The following TBC1D4 variants were observed in gnomAD, a reference collection of about 807,000 sequenced individuals.
The protein encoded by TBC1D4 is TBC1 domain family member 4, also known as TBC (Tre-2, BUB2, CDC16) domain-containing protein.
TBC1D4 carries 121 observed loss-of-function variants against 142.5 expected under a neutral mutation model. The observed-to-expected ratio is 0.85, with a 90% CI of 0.73 to 0.99. The LOEUF (loss-of-function observed/expected upper bound fraction) is 0.99, where lower values mean the gene tolerates loss of function less well. TBC1D4 is among the 50% of genes least tolerant of loss of function. The pLI, the probability that TBC1D4 is intolerant of heterozygous loss-of-function variation, is 0.00. For missense variants in TBC1D4, 1,475 were observed against 1,606.6 expected (o/e 0.92, Z 1.40); for synonymous variants, 630 against 628.2 (o/e 1.00, Z -0.04).
At chr13:75,438,720 G>A (rs1244737878) in intron 1 of TBC1D4, among the ~76,000 whole-genome samples, 2 of 152,030 alleles carry the variant, frequency 1.3e-5, no homozygotes, top group South Asian at 2.1e-4. Flanking sequence ...GATTAATGTC[G>A]ACCTCAACGT....
At position 75,481,542 on chromosome 13, in the gene TBC1D4, C is replaced by G. The variant is rs1375072674; in HGVS notation, c.226G>C (p.Ala76Pro). 1 of 1,598,094 alleles carries G rather than the reference C, an allele frequency of 6.3e-7. No homozygotes were observed. Among genetic ancestry groups the G allele is most frequent in the Admixed American group, 1.7e-5 (1 of 57,814 alleles). Residue 76 changes from alanine (A) to proline (P), a missense_variant, in exon 1 of 21, where the codon GCG (alanine) becomes CCG (proline). Physicochemically the swap from Ala to Pro is conservative, Grantham distance 27. Transcript: ENST00000377636. ...AGGATCACCTCTCGGGCCGCCGGCG[C>G]CCCGCAGCCGCCCGCCTCGGGCTTC... The part of the protein sequence containing the change: ...SQKPEAGGCG[A>P]PAAREVILVL...
intron 14 of TBC1D4, among the ~76,000 whole-genome samples, chr13:75,309,278 C>G (rs977395309): frequency 6.6e-6 from 1 of 151,932 alleles, no homozygotes; most frequent in Non-Finnish European, 1.5e-5. Flanking sequence ...AAAACACATT[C>G]CAAAGCATTT....
At chr13:75,306,188 T>G in intron 15 of TBC1D4, 125 bp downstream of exon 15, 1 of 900,856 alleles carries the variant, frequency 1.1e-6, no homozygotes, top group South Asian at 1.8e-5. Context: ...CTTCTCTTTT[T>G]TTACTAAGCA....
Position 75,302,817 on chromosome 13 carries a change from G to C in TBC1D4, c.2753-416C>G, listed in dbSNP as rs75389978. The C allele has an allele frequency of 7.1e-4, 164 of 230,972 alleles. 1 individual carries two copies. The highest frequency in any genetic ancestry group is 3.6e-3 in the African/African-American group (158 of 43,812). The allele number at this position is 230,972 out of a possible 1,614,324, so 14.3% of individuals were successfully genotyped here. On this transcript the variant is annotated intron_variant, in intron 15 of 20. Coordinates refer to ENST00000377636, the MANE Select transcript of TBC1D4 (RefSeq NM_014832.5). ...AATTGCCCCAAGTTCACATGGCTAG[G>C]AAGTGGCAGTTTAGAATTAGAACTC...
In TBC1D4 at chr13:75,379,885, C is replaced by CTTTTTTTTTTTTTTTTTT. The variant is rs1883718060; in HGVS notation, c.499-17279_499-17278insAAAAAAAAAAAAAAAAAA. On this transcript the variant is annotated intron_variant, in intron 1 of 20. Transcript: ENST00000377636. The stretch of plus-strand genomic sequence containing the variant: ...AAGTATATCAGTTTTGTTCATCTGA[C>CTTTTTTTTTTTTTTTTTT]TCTTTTTTTTTTTTTTTTTTTTTTT... Among the ~76,000 whole-genome samples, 5 of 98,534 alleles carry CTTTTTTTTTTTTTTTTTT rather than the reference C, an allele frequency of 5.1e-5. 1 individual carries two copies. The highest frequency in any genetic ancestry group is 1.4e-4 in the African/African-American group (4 of 27,812). 64.6% of individuals were successfully genotyped at this position (98,534 alleles called of 152,430 possible).
chr13:75,429,072 G>T (rs1297749335), intron 1 of TBC1D4, among the ~76,000 whole-genome samples: 1 of 152,124 alleles, frequency 6.6e-6, no homozygotes, highest in Non-Finnish European at 1.5e-5. Context: ...AGTCGCAAGT[G>T]GTGGCAATCC....
At chr13:75,470,788 C>A (rs2138323343) in intron 1 of TBC1D4, among the ~76,000 whole-genome samples, 1 of 152,238 alleles carries the variant, frequency 6.6e-6, no homozygotes, top group African/African-American at 2.4e-5. Context: ...GAGTTTAAGA[C>A]CAGCCTGGCC....
At chr13:75,431,846 T>G (rs1276170508) in intron 1 of TBC1D4, among the ~76,000 whole-genome samples, 1 of 152,174 alleles carries the variant, frequency 6.6e-6, no homozygotes, top group Non-Finnish European at 1.5e-5. Flanking sequence ...CATGGACTTG[T>G]GCACATAAAA....
At position 75,299,512 on chromosome 13, in the gene TBC1D4, A is replaced by G; in HGVS notation, c.2974T>C (p.Phe992Leu). Residue 992 changes from phenylalanine (F) to leucine (L), a missense_variant, in exon 17 of 21, where the codon TTT (phenylalanine) becomes CTT (leucine). Around this residue, in one of 2 missense-constraint regions of TBC1D4, gnomAD observed 1,227 missense variants for 1,267.7 expected, o/e 0.97. Transcript: ENST00000377636. ...AAAGAATAGGCTTTCAGGAGGTTAA[A>G]CAGTGACAGCTGTCCTGGCCCAAGC... ...VQLGPGQLSL[F>L]NLLKAYSLLD... 6.2e-7 allele frequency: 1 copy of G among 1,614,194 alleles called. No individual in the cohort carries two copies. Among genetic ancestry groups the G allele is most frequent in the Non-Finnish European group, 8.5e-7 (1 of 1,180,024 alleles).
intron 1 of TBC1D4, among the ~76,000 whole-genome samples, chr13:75,407,045 C>A (rs1290034729): frequency 6.6e-6 from 1 of 152,112 alleles, no homozygotes; most frequent in East Asian, 1.9e-4. Flanking sequence ...ACAAGCTGAC[C>A]AAAGCTTCAG....
chr13:75,298,845 A>C (rs1290473771), intron 17 of TBC1D4, among the ~76,000 whole-genome samples: 2 of 152,216 alleles, frequency 1.3e-5, no homozygotes. Flanking sequence ...CCTATCTTAC[A>C]TGAAGATAAA....
chr13:75,354,834 A>G (rs751677466), intron 4 of TBC1D4, among the ~76,000 whole-genome samples: 29 of 152,082 alleles, frequency 1.9e-4, no homozygotes, highest in Admixed American at 5.2e-4. Context: ...TGTTTATCCA[A>G]CCTGCCTTTC....
intron 1 of TBC1D4, among the ~76,000 whole-genome samples, chr13:75,434,587 C>T (rs1886718989): frequency 6.6e-6 from 1 of 151,786 alleles, no homozygotes; most frequent in South Asian, 2.1e-4. Flanking sequence ...ACAACAAACC[C>T]CCGTGACATG....
At chr13:75,457,690 CAAG>C (rs1358103238) in intron 1 of TBC1D4, among the ~76,000 whole-genome samples, 1 of 152,198 alleles carries the variant, frequency 6.6e-6, no homozygotes, top group Non-Finnish European at 1.5e-5. Context: ...TGCCTAATCA[CAAG>C]AAGTACCTAG....
In TBC1D4 at chr13:75,285,189, A is replaced by T. The variant is rs1874560512; in HGVS notation, c.*1603T>A. 1 of 152,170 alleles carries T rather than the reference A, an allele frequency of 6.6e-6. No individual in the cohort carries two copies. Among genetic ancestry groups the T allele is most frequent in the Non-Finnish European group, 1.5e-5 (1 of 68,014 alleles). The allele number at this position is 152,170 out of a possible 1,614,324, so 9.4% of individuals were successfully genotyped here. A position where few individuals can be genotyped will look rare whatever the true frequency, so the allele number is the denominator to read the frequency against. On this transcript the variant is annotated 3_prime_UTR_variant, in exon 21 of 21. Coordinates refer to ENST00000377636, the MANE Select transcript of TBC1D4 (RefSeq NM_014832.5). ...ACTGTATGGATTCAAGGGCACACTG[A>T]GCTATAACAAGTCATTATATACACA...
chr13:75,363,981 C>T (rs187754667), intron 1 of TBC1D4, among the ~76,000 whole-genome samples: 14 of 152,286 alleles, frequency 9.2e-5, no homozygotes, highest in Admixed American at 6.5e-4. Context: ...GGTTGGGCTA[C>T]AGCTTGGTTT....
intron 1 of TBC1D4, among the ~76,000 whole-genome samples, chr13:75,387,571 G>A (rs1456785870): frequency 6.6e-6 from 1 of 152,194 alleles, no homozygotes; most frequent in Admixed American, 6.5e-5. Flanking sequence ...GTATTATCAA[G>A]ACATCACATT....
In TBC1D4 at chr13:75,379,885, C is replaced by CTTTTTTTTTTTTTTT. The variant is rs1883718060; in HGVS notation, c.499-17279_499-17278insAAAAAAAAAAAAAAA. Among the ~76,000 whole-genome samples, 11 of 98,536 alleles carry CTTTTTTTTTTTTTTT rather than the reference C, an allele frequency of 1.1e-4. 4 individuals are homozygous for CTTTTTTTTTTTTTTT. Among genetic ancestry groups the CTTTTTTTTTTTTTTT allele is most frequent in the Non-Finnish European group, 1.8e-4 (9 of 50,102 alleles). The allele number at this position is 98,536 out of a possible 152,430, so 64.6% of individuals were successfully genotyped here. On this transcript the variant is annotated intron_variant, in intron 1 of 20. Transcript: ENST00000377636. ...AAGTATATCAGTTTTGTTCATCTGA[C>CTTTTTTTTTTTTTTT]TCTTTTTTTTTTTTTTTTTTTTTTT...
In TBC1D4 at chr13:75,292,149, T is replaced by C. The variant is rs890511993; in HGVS notation, c.3439A>G (p.Thr1147Ala). 6.2e-7 allele frequency: 1 copy of C among 1,613,170 alleles called. No individual in the cohort carries two copies. Among genetic ancestry groups the C allele is most frequent in the Non-Finnish European group, 8.5e-7 (1 of 1,179,508 alleles). Residue 1147 changes from threonine to alanine, a missense_variant, in exon 19 of 21, where the codon ACG (threonine) becomes GCG (alanine). This residue lies in a region of TBC1D4 where 248 missense variants were observed against 338.9 expected (regional missense o/e 0.73). Transcript: ENST00000377636. ...FENIVEFLKN[T>A]LPDMNTSEME... ...TCAGAGGTATTCATATCAGGTAGCGTGTTTTTAAGAAACTCAACAATATTT... is the reference window on the plus strand; with the variant it reads ...TCAGAGGTATTCATATCAGGTAGCGCGTTTTTAAGAAACTCAACAATATTT...
Sources: allele counts gnomAD v4.1 joint callset (sites outside exome capture counted in the v4.1 genomes callset), GRCh38; gene constraint gnomAD v4.1.1; regional missense constraint gnomAD v4.1.1; transcripts MANE v1.5; gene names NCBI Gene and HGNC (gene_info 2026-07-23, HGNC 2026-07-21).